The following UNC13C variants were observed in gnomAD, a reference collection of about 807,000 sequenced individuals.
UNC13C encodes unc-13 homolog C.
Under a neutral mutation model 245.4 loss-of-function variants are expected in UNC13C, and 174 were observed. That is an observed-to-expected ratio of 0.71 (90% CI 0.63 to 0.80). UNC13C has a LOEUF of 0.80. UNC13C is among the 30% of genes least tolerant of loss of function. The probability of loss-of-function intolerance (pLI) is 0.00; values close to 1 mark genes in which losing one functional copy is unlikely to be tolerated. For synonymous variants in UNC13C, 992 were observed against 895.1 expected (o/e 1.11, Z -1.93); for missense variants, 2,829 against 2,602.9 (o/e 1.09, Z -1.89).
chr15:53,876,540 A>C, the UNC13C span, among the ~76,000 whole-genome samples: 1 of 152,176 alleles, frequency 6.6e-6, no homozygotes, highest in Admixed American at 6.5e-5. Flanking sequence ...CTAAAGCCGC[A>C]TGTCTCGTTA....
chr15:54,596,311 C>T (rs1355287185), intron 30 of UNC13C, among the ~76,000 whole-genome samples: 1 of 152,180 alleles, frequency 6.6e-6, no homozygotes, highest in Non-Finnish European at 1.5e-5. Flanking sequence ...AAACATGCCT[C>T]CCTGTGAATT....
intron 19 of UNC13C, among the ~76,000 whole-genome samples, chr15:54,446,740 G>A (rs930643911): frequency 2.6e-5 from 4 of 152,136 alleles, no homozygotes; most frequent in Non-Finnish European, 5.9e-5. Context: ...CTGAAAACAG[G>A]GACAAGTTGA....
At position 54,014,545 on chromosome 15, in the gene UNC13C, C is replaced by T. The variant is rs371410172; in HGVS notation, c.1642C>T (p.Arg548Cys). The T allele has an allele frequency of 1.7e-4, 271 of 1,613,782 alleles. 1 individual carries two copies. In the Middle Eastern group the frequency reaches 3.0e-3, roughly 18 times the overall value. Residue 548 changes from arginine to cysteine, a missense_variant, in exon 2 of 33, where the codon CGT becomes TGT. Arg to Cys is a radical substitution (Grantham distance 180, BLOSUM62 -3). Transcript: ENST00000260323. ...QSDFFTAKLS[R>C]SESDFSKLCQ... is the part of the protein sequence containing the mutation. ...TGATTTTTTCACTGCTAAACTTAGT[C>T]GTTCTGAATCAGATTTTTCCAAATT...
intron 26 of UNC13C, 48 bp downstream of exon 26, chr15:54,533,114 A>G: frequency 1.3e-6 from 2 of 1,485,060 alleles, no homozygotes; most frequent in Non-Finnish European, 1.8e-6. Flanking sequence ...CCTAAATTTG[A>G]CCTTTAAGGC....
In UNC13C at chr15:54,605,345, T is replaced by C. The variant is rs181016133; in HGVS notation, c.6107-16982T>C. 9.6e-3 allele frequency among the ~76,000 whole-genome samples: 1,467 copies of C among 152,074 alleles called. 24 individuals are homozygous for C. Among genetic ancestry groups the C allele is most frequent in the African/African-American group, 0.034 (1,426 of 41,356 alleles). ...AATCCCCAGTCTTAATGAGGTGCTC[T>C]TCCTGTGTGCTTCCAGTGCCCCTTA... On this transcript the variant is annotated intron_variant, in intron 30 of 32. Coordinates refer to ENST00000260323, the MANE Select transcript of UNC13C (RefSeq NM_001080534.3).
chr15:54,068,577 A>T (rs1048454944), intron 2 of UNC13C, among the ~76,000 whole-genome samples: 2 of 152,202 alleles, frequency 1.3e-5, no homozygotes, highest in Non-Finnish European at 2.9e-5. Flanking sequence ...ATTATCTGGT[A>T]GTTTACGAAA....
intron 30 of UNC13C, among the ~76,000 whole-genome samples, chr15:54,614,107 TC>T (rs914751334): frequency 6.6e-6 from 1 of 152,028 alleles, no homozygotes; most frequent in Non-Finnish European, 1.5e-5. Context: ...ACAATAATGT[TC>T]GTGTTCTTCT....
At chr15:53,929,046 T>A in the UNC13C span, among the ~76,000 whole-genome samples, 6 of 152,190 alleles carry the variant, frequency 3.9e-5, no homozygotes, top group African/African-American at 9.6e-5. Context: ...TACCTAAGAC[T>A]GGGTAATTTA....
chr15:54,007,982 C>T (rs890086655), intron 1 of UNC13C, among the ~76,000 whole-genome samples: 1 of 152,136 alleles, frequency 6.6e-6, no homozygotes, highest in Admixed American at 6.5e-5. Flanking sequence ...GTATTTAGTA[C>T]TTTACTGCCT....
the UNC13C span, among the ~76,000 whole-genome samples, chr15:53,957,208 G>A: frequency 6.6e-6 from 1 of 151,944 alleles, no homozygotes; most frequent in South Asian, 2.1e-4. Flanking sequence ...GTGCCACAAT[G>A]TTAGCTCACT....
At chr15:54,046,783 A>G (rs188764132) in intron 2 of UNC13C, among the ~76,000 whole-genome samples, 88 of 152,100 alleles carry the variant, frequency 5.8e-4, no homozygotes, top group African/African-American at 2.0e-3. Context: ...ACACTGCTCA[A>G]TCAGATTTCA....
chr15:54,544,184 C>T lies in UNC13C; in HGVS notation c.5697-2538C>T, dbSNP rs563661002. Reference sequence around the variant, plus strand: ...TAATCCATCACATAAACAGAACCAGCAACTTAAAACACATGATTATCTCAA... The same window carrying T: ...TAATCCATCACATAAACAGAACCAGTAACTTAAAACACATGATTATCTCAA... On this transcript the variant is annotated intron_variant, in intron 26 of 32. Transcript: ENST00000260323. Among the ~76,000 whole-genome samples the T allele has an allele frequency of 2.1e-3, 314 of 151,136 alleles. 2 individuals carry two copies. The highest frequency in any genetic ancestry group is 7.1e-3 in the African/African-American group (286 of 40,538).
the UNC13C span, among the ~76,000 whole-genome samples, chr15:53,955,568 C>T: frequency 6.6e-6 from 1 of 152,138 alleles, no homozygotes; most frequent in Non-Finnish European, 1.5e-5. Context: ...GTTGAAATTC[C>T]ATCTCTAAAG....
chr15:54,130,240 ATT>A (rs2031324336), intron 2 of UNC13C, among the ~76,000 whole-genome samples: 1 of 146,968 alleles, frequency 6.8e-6, no homozygotes, highest in Non-Finnish European at 1.5e-5. Flanking sequence ...TCTTTTTGAT[ATT>A]CTGTGGAATA....
the UNC13C span, among the ~76,000 whole-genome samples, chr15:53,863,575 A>G: frequency 6.6e-6 from 1 of 152,206 alleles, no homozygotes; most frequent in African/African-American, 2.4e-5. Context: ...GGAATCCTCA[A>G]GTGTCAACAA....
intron 8 of UNC13C, among the ~76,000 whole-genome samples, chr15:54,260,052 C>G (rs2036384778): frequency 6.6e-6 from 1 of 151,994 alleles, no homozygotes. Flanking sequence ...TTCGGCTCCC[C>G]CAAGAAGTAT....
chr15:54,061,264 C>G (rs1464539374), intron 2 of UNC13C, among the ~76,000 whole-genome samples: 2 of 151,746 alleles, frequency 1.3e-5, no homozygotes, highest in Non-Finnish European at 2.9e-5. Context: ...CTAAAAAGGA[C>G]TAGGAAGTCT....
At chr15:54,323,064 T>C (rs2038206567) in intron 14 of UNC13C, among the ~76,000 whole-genome samples, 1 of 151,794 alleles carries the variant, frequency 6.6e-6, no homozygotes. Flanking sequence ...TGATTTTTCA[T>C]GGCACAATGT....
the UNC13C span, among the ~76,000 whole-genome samples, chr15:53,901,396 AT>A: frequency 1.4e-4 from 20 of 146,960 alleles, no homozygotes; most frequent in South Asian, 4.3e-4. Context: ...TTTTTTTTGT[AT>A]TTTTTTTTTG....
Sources: gnomAD v4.1 joint callset for allele counts (sites outside exome capture counted in the v4.1 genomes callset) on GRCh38, gnomAD v4.1.1 for gene constraint, MANE v1.5 for transcripts, NCBI Gene and HGNC (gene_info 2026-07-23, HGNC 2026-07-21) for gene names.